The following CBLB variants were observed in gnomAD, a reference collection of about 807,000 sequenced individuals.
The protein encoded by CBLB is E3 ubiquitin-protein ligase CBL-B.
CBLB carries 31 observed loss-of-function variants against 104.9 expected under a neutral mutation model. The ratio of observed to expected loss-of-function variants is 0.30; its 90% CI spans 0.22 to 0.40. CBLB has a LOEUF of 0.40. CBLB is among the 10% of genes least tolerant of loss of function. The probability of loss-of-function intolerance (pLI) is 1.00; values close to 1 mark genes in which losing one functional copy is unlikely to be tolerated. For synonymous variants in CBLB, 440 were observed against 422.6 expected (o/e 1.04, Z -0.51); for missense variants, 1,062 against 1,214.6 (o/e 0.87, Z 1.87).
chr3:105,700,636 G>A (rs1381429084), intron 12 of CBLB, among the ~76,000 whole-genome samples: 1 of 152,116 alleles, frequency 6.6e-6, no homozygotes, highest in Non-Finnish European at 1.5e-5. Flanking sequence ...TTATATTTAG[G>A]TGAACCTGAG....
intron 4 of CBLB, among the ~76,000 whole-genome samples, chr3:105,766,274 C>G (rs1006627278): frequency 6.6e-6 from 1 of 152,128 alleles, no homozygotes; most frequent in African/African-American, 2.4e-5. Flanking sequence ...GTAATTTACT[C>G]CAGGTGAAGA....
chr3:105,827,402 A>G (rs1202421083), intron 3 of CBLB, among the ~76,000 whole-genome samples: 1 of 152,174 alleles, frequency 6.6e-6, no homozygotes, highest in Non-Finnish European at 1.5e-5. Context: ...TACTTAGTCT[A>G]AAAGGTTGCA....
chr3:105,821,065 A>G (rs2085773275), intron 3 of CBLB, among the ~76,000 whole-genome samples: 1 of 152,194 alleles, frequency 6.6e-6, no homozygotes, highest in Admixed American at 6.5e-5. Context: ...TACATTTTTT[A>G]TACAAATACA....
Position 105,658,962 on chromosome 3 carries a change from T to G in CBLB, c.*8A>C. ...TGCTTTCCATTTTGGTGTCTACAGT[T>G]CTGGCTGCTATAGATTTAGACGTGG... On this transcript the variant is annotated 3_prime_UTR_variant, in exon 19 of 19. Coordinates refer to ENST00000394030, the MANE Select transcript of CBLB (RefSeq NM_170662.5). 1 of 1,613,718 alleles carries G rather than the reference T, an allele frequency of 6.2e-7. No homozygotes were observed. Among genetic ancestry groups the G allele is most frequent in the Non-Finnish European group, 8.5e-7 (1 of 1,179,758 alleles).
intron 3 of CBLB, among the ~76,000 whole-genome samples, chr3:105,840,512 C>T (rs1461433555): frequency 2.0e-5 from 3 of 152,124 alleles, no homozygotes; most frequent in Non-Finnish European, 4.4e-5. Context: ...TGAGTCCTCC[C>T]GAAACAAAGT....
chr3:105,752,386 T>G (rs183132979), intron 4 of CBLB, among the ~76,000 whole-genome samples: 20 of 152,292 alleles, frequency 1.3e-4, no homozygotes, highest in Admixed American at 1.0e-3. Flanking sequence ...TCACCTACCC[T>G]CTTTCCCACC....
At chr3:105,701,758 C>T (rs117126418) in intron 12 of CBLB, among the ~76,000 whole-genome samples, 3,379 of 97,090 alleles carry the variant, frequency 0.035, 87 homozygotes, top group East Asian at 0.18. Context: ...AGCGAGGCTT[C>T]GTCTCAAAAA....
chr3:105,662,097 A>G (rs1280287549), intron 18 of CBLB, among the ~76,000 whole-genome samples: 1 of 152,192 alleles, frequency 6.6e-6, no homozygotes, highest in Admixed American at 6.6e-5. Flanking sequence ...GGAAGCTGTT[A>G]AAAAGTGGGG....
chr3:105,735,751 TC>T (rs2074856810), intron 8 of CBLB, among the ~76,000 whole-genome samples: 1 of 152,000 alleles, frequency 6.6e-6, no homozygotes, highest in Non-Finnish European at 1.5e-5. Flanking sequence ...AGGAGTTTGA[TC>T]CTGACCAACA....
At chr3:105,791,741 C>CA (rs1324967953) in intron 3 of CBLB, among the ~76,000 whole-genome samples, 1 of 152,200 alleles carries the variant, frequency 6.6e-6, no homozygotes, top group African/African-American at 2.4e-5. Flanking sequence ...TCTGGTGTCA[C>CA]ACATACATGA....
At chr3:105,804,721 G>A (rs907208409) in intron 3 of CBLB, among the ~76,000 whole-genome samples, 2 of 149,140 alleles carry the variant, frequency 1.3e-5, no homozygotes, top group African/African-American at 5.0e-5. Flanking sequence ...GGATACTGTT[G>A]TCCTTAAAGT....
intron 3 of CBLB, among the ~76,000 whole-genome samples, chr3:105,808,263 A>C (rs1229506066): frequency 6.6e-6 from 1 of 152,228 alleles, no homozygotes; most frequent in Non-Finnish European, 1.5e-5. Flanking sequence ...ACTTTAAAGA[A>C]GAAAATTTAT....
At chr3:105,854,591 G>GT (rs1553864077) in intron 2 of CBLB, among the ~76,000 whole-genome samples, 1 of 134,066 alleles carries the variant, frequency 7.5e-6, no homozygotes, top group Non-Finnish European at 1.6e-5. Flanking sequence ...GGCCCTCGTT[G>GT]TATTTTTTTT....
intron 3 of CBLB, among the ~76,000 whole-genome samples, chr3:105,820,576 A>G (rs2085699064): frequency 6.6e-6 from 1 of 152,220 alleles, no homozygotes; most frequent in South Asian, 2.1e-4. Context: ...TTGTTCCTAT[A>G]GTGACTAAGG....
Position 105,659,041 on chromosome 3 carries a change from C to A in CBLB, c.2878G>T (p.Val960Phe), listed in dbSNP as rs929260094. 6 of 1,614,010 alleles carry A rather than the reference C, an allele frequency of 3.7e-6. No homozygotes were observed. The Admixed American group carries it at 5.0e-5, about 13-fold the overall frequency. Residue 960 changes from valine (V) to phenylalanine (F), a missense_variant, in exon 19 of 19, where the codon GTC becomes TTC. Physicochemically the swap from Val to Phe is conservative, Grantham distance 50. Around this residue, in one of 2 missense-constraint regions of CBLB, gnomAD observed 605 missense variants for 582.6 expected, o/e 1.04. Coordinates refer to ENST00000394030, the MANE Select transcript of CBLB (RefSeq NM_170662.5). ...CGGAGGATGCTCCGGGCAACTTCGA[C>A]ATTATTCTGGGCTATCTCTAAGGCT... ...KRALEIAQNN[V>F]EVARSILREF...
intron 3 of CBLB, among the ~76,000 whole-genome samples, chr3:105,841,125 C>G (rs2089474963): frequency 6.6e-6 from 1 of 151,870 alleles, no homozygotes; most frequent in Non-Finnish European, 1.5e-5. Flanking sequence ...GAAACCCTAT[C>G]TCTACAAAAA....
At chr3:105,770,224 C>T (rs1362381274) in intron 4 of CBLB, among the ~76,000 whole-genome samples, 1 of 151,972 alleles carries the variant, frequency 6.6e-6, no homozygotes, top group Non-Finnish European at 1.5e-5. Context: ...ACAGAATCCA[C>T]AGACCCTGTG....
intron 3 of CBLB, among the ~76,000 whole-genome samples, chr3:105,790,903 C>T (rs966459751): frequency 3.3e-5 from 5 of 152,184 alleles, no homozygotes; most frequent in Admixed American, 2.6e-4. Context: ...CCAGGCTGCC[C>T]ACTGCACCAG....
At chr3:105,750,975 T>G (rs2076542996) in intron 5 of CBLB, among the ~76,000 whole-genome samples, 1 of 152,218 alleles carries the variant, frequency 6.6e-6, no homozygotes, top group South Asian at 2.1e-4. Context: ...CAAAGCAATT[T>G]ACAAAATAAG....
Sources: gnomAD v4.1 joint callset for allele counts (sites outside exome capture counted in the v4.1 genomes callset) on GRCh38, gnomAD v4.1.1 for gene constraint, gnomAD v4.1.1 regional missense constraint, MANE v1.5 for transcripts, NCBI Gene and HGNC (gene_info 2026-07-23, HGNC 2026-07-21) for gene names.